MPHOSPH9: variants seen among roughly 807,000 people sequenced by gnomAD.
The protein encoded by MPHOSPH9 is M-phase phosphoprotein 9.
In MPHOSPH9, 88 loss-of-function variants were observed where a neutral mutation model predicts 145.5. The observed-to-expected ratio is 0.60, with a 90% CI of 0.51 to 0.72. The LOEUF (loss-of-function observed/expected upper bound fraction) is 0.72. MPHOSPH9 is among the 30% of genes least tolerant of loss of function. The pLI is 0.00. For missense variants in MPHOSPH9, 1,238 were observed against 1,386.6 expected, an observed-to-expected ratio of 0.89 and a Z score of 1.70; for synonymous variants, 435 against 486.2, an observed-to-expected ratio of 0.89 and a Z score of 1.39.
At chr12:123,192,628 C>CAAAAAAAAAAA (rs55831766) in intron 13 of MPHOSPH9, among the ~76,000 whole-genome samples, 1 of 49,374 alleles carries the variant, frequency 2.0e-5, no homozygotes, top group Non-Finnish European at 3.5e-5. Flanking sequence ...GACACCGTCT[C>CAAAAAAAAAAA]AAAAAAAAAA....
chr12:123,217,525 T>C (rs114869590), intron 6 of MPHOSPH9, among the ~76,000 whole-genome samples: 1 of 152,254 alleles, frequency 6.6e-6, no homozygotes, highest in East Asian at 1.9e-4. Flanking sequence ...TATTACTTCT[T>C]ACAATTTAAT....
intron 8 of MPHOSPH9, among the ~76,000 whole-genome samples, chr12:123,203,937 T>A (rs11057189): frequency 2.6e-5 from 4 of 151,950 alleles, no homozygotes; most frequent in Admixed American, 6.6e-5. Context: ...TCCTCCCACC[T>A]TAGCTTCCCA....
chr12:123,177,303 G>T (rs1197849251), intron 15 of MPHOSPH9, among the ~76,000 whole-genome samples: 3 of 152,196 alleles, frequency 2.0e-5, no homozygotes, highest in Non-Finnish European at 2.9e-5. Context: ...GGAGGCCGAG[G>T]TGGGTGGACC....
intron 13 of MPHOSPH9, among the ~76,000 whole-genome samples, chr12:123,190,709 C>T (rs1166082057): frequency 6.6e-6 from 1 of 152,086 alleles, no homozygotes; most frequent in Non-Finnish European, 1.5e-5. Context: ...TGTTTACAAA[C>T]ACAGGCATAT....
chr12:123,196,838 T>C (rs1340082831), intron 12 of MPHOSPH9, among the ~76,000 whole-genome samples: 1 of 152,146 alleles, frequency 6.6e-6, no homozygotes, highest in Non-Finnish European at 1.5e-5. Flanking sequence ...GAATGAATAC[T>C]GATATGTTAC....
intron 7 of MPHOSPH9, among the ~76,000 whole-genome samples, chr12:123,213,069 C>G (rs566360084): frequency 6.6e-6 from 1 of 151,924 alleles, no homozygotes; most frequent in South Asian, 2.1e-4. Context: ...CTGTATTAGC[C>G]AGGATAGTCT....
chr12:123,208,210 T>A (rs1182688297), intron 8 of MPHOSPH9, among the ~76,000 whole-genome samples: 3 of 140,900 alleles, frequency 2.1e-5, no homozygotes, highest in African/African-American at 5.3e-5. Context: ...AAAAAAAAAA[T>A]TTTTTTTTTA....
At position 123,214,731 on chromosome 12, in the gene MPHOSPH9, G is replaced by GT. The variant is rs761889718; in HGVS notation, c.1087+12dup. 4.4e-6 allele frequency: 7 copies of GT among 1,587,890 alleles called. No homozygotes were observed. In the Admixed American group the frequency reaches 6.8e-5, roughly 15 times the overall value. ...AGTTTAGGTTAAAAAAAATAAAAAT[G>GT]TAAGTATCATACCTGTTCCTGAATC... On this transcript the variant is annotated intron_variant, in intron 7 of 23. Transcript: ENST00000606320.
chr12:123,235,259 G>C (rs1460633074), upstream of MPHOSPH9, among the ~76,000 whole-genome samples: 1 of 152,192 alleles, frequency 6.6e-6, no homozygotes, highest in African/African-American at 2.4e-5. Flanking sequence ...AAGTTACCCA[G>C]TAAGTAAATT....
Position 123,161,316 on chromosome 12 carries a change from T to G in MPHOSPH9, c.3201A>C (p.Pro1067=). ...VNHSSCPEPV[P]NGVKKVSVRT... is the part of the protein sequence containing the mutation. ...TCACAGATACTTTCTTCACTCCATT[T>G]GGCACCGGTTCAGGGCAAGAGCTAT... The change falls in exon 22 of 24, where the codon CCA becomes CCC. Residue 1067 remains proline (P), a synonymous_variant. Coordinates refer to ENST00000606320, the MANE Select transcript of MPHOSPH9 (RefSeq NM_022782.4). The G allele has an allele frequency of 1.2e-6, 2 of 1,614,174 alleles. No homozygotes were observed. Among genetic ancestry groups the G allele is most frequent in the Middle Eastern group, 1.6e-4 (1 of 6,062 alleles).
chr12:123,166,847 T>G, intron 16 of MPHOSPH9, 58 bp from the exon 17 acceptor site: 1 of 1,551,188 alleles, frequency 6.4e-7, no homozygotes, highest in Non-Finnish European at 8.7e-7. Flanking sequence ...TCAGACTGCA[T>G]GTGCATATAA....
At chr12:123,233,452 G>A (rs915893830), upstream of MPHOSPH9, 1 of 152,304 alleles carries the variant, frequency 6.6e-6, no homozygotes, top group Non-Finnish European at 1.5e-5. Context: ...GCAGATCAGG[G>A]ATCGCGATTG....
chr12:123,181,668 C>A (rs2045153046), intron 13 of MPHOSPH9, among the ~76,000 whole-genome samples: 1 of 152,012 alleles, frequency 6.6e-6, no homozygotes, highest in Non-Finnish European at 1.5e-5. Flanking sequence ...GAGTTCAAGG[C>A]TACAGTGTGC....
chr12:123,177,015 C>A (rs1381625292), intron 15 of MPHOSPH9, among the ~76,000 whole-genome samples: 1 of 151,336 alleles, frequency 6.6e-6, no homozygotes, highest in East Asian at 2.0e-4. Context: ...TATGGTGAAA[C>A]CCTGTCTCTA....
At chr12:123,160,911 G>A in intron 22 of MPHOSPH9, 62 bp from the exon 23 acceptor site, 1 of 1,543,626 alleles carries the variant, frequency 6.5e-7, no homozygotes, top group Non-Finnish European at 8.9e-7. Flanking sequence ...ACACAGAATG[G>A]AAAGAAAAGG....
intron 8 of MPHOSPH9, among the ~76,000 whole-genome samples, chr12:123,204,180 T>G (rs1397366622): frequency 2.6e-5 from 4 of 151,806 alleles, no homozygotes; most frequent in Non-Finnish European, 5.9e-5. Context: ...CGCATGCCTG[T>G]AATCCCAGCT....
At chr12:123,206,438 G>A (rs1017477430) in intron 8 of MPHOSPH9, among the ~76,000 whole-genome samples, 1 of 151,436 alleles carries the variant, frequency 6.6e-6, no homozygotes, top group Admixed American at 6.6e-5. Flanking sequence ...CTCCAGCCTC[G>A]GCAACAGAGT....
Position 123,159,483 on chromosome 12 carries a change from T to A in MPHOSPH9, c.3450+1298A>T, listed in dbSNP as rs1212961736. Among the ~76,000 whole-genome samples the A allele has an allele frequency of 6.6e-6, 1 of 152,142 alleles. No homozygotes were observed. Among genetic ancestry groups the A allele is most frequent in the African/African-American group, 2.4e-5 (1 of 41,438 alleles). ...TGGCCATGGCAGGTTTTTTTTTGTT[T>A]TTTTTGTTGTTGTTGTTTTCCCAAA... On this transcript the variant is annotated intron_variant, in intron 23 of 23. Transcript: ENST00000606320. This position sits in a 1 kb window ranked among gnomAD's most constrained non-coding sequence, Gnocchi z 4.3.
chr12:123,163,256 A>G (rs2044182359), intron 19 of MPHOSPH9, 122 bp from the exon 20 acceptor site: 3 of 1,049,300 alleles, frequency 2.9e-6, no homozygotes, highest in African/African-American at 1.7e-5. Context: ...AAACTTTGAG[A>G]GAGAAATAAG....
Sources: gnomAD v4.1 joint callset for allele counts (sites outside exome capture counted in the v4.1 genomes callset) on GRCh38, gnomAD v4.1.1 for gene constraint, Gnocchi (gnomAD v3.1) non-coding constraint, MANE v1.5 for transcripts, NCBI Gene and HGNC (gene_info 2026-07-23, HGNC 2026-07-21) for gene names.